Variants in NMD3 observed in about 807,000 individuals in gnomAD.
NMD3 encodes the protein NMD3 ribosome export adaptor, also known as 60S ribosomal export protein NMD3.
NMD3 carries 47 observed loss-of-function variants against 73.1 expected under a neutral mutation model. That is an observed-to-expected ratio of 0.64 (90% confidence interval 0.51 to 0.82). The LOEUF (loss-of-function observed/expected upper bound fraction) is 0.82. Ranked by LOEUF, NMD3 falls within the 40% of genes least tolerant of loss-of-function variation. The probability of loss-of-function intolerance (pLI) is 0.00; values close to 1 mark genes in which losing one functional copy is unlikely to be tolerated. For synonymous variants in NMD3, 210 were observed against 194.5 expected, an observed-to-expected ratio of 1.08 and a Z score of -0.66; for missense variants, 554 against 612.5, an observed-to-expected ratio of 0.90 and a Z score of 1.01.
rs1736862226 is a variant in NMD3, at chr3:161,238,731, T to TA, written c.659dup (p.Tyr220Ter). 6.8e-7 allele frequency: 1 copy of TA among 1,477,230 alleles called. No homozygotes were observed. Among genetic ancestry groups the TA allele is most frequent in the Non-Finnish European group, 9.5e-7 (1 of 1,057,974 alleles). The allele number at this position is 1,477,230 out of a possible 1,614,324, so 91.5% of individuals were successfully genotyped here. ...TACTACTAACTTTTTTCTTAATAGA[T>TA]ACAAAGCATCACAAAGACTGATCTC... Reference protein sequence around the residue: ...EFLQCTVPCRYKASQRLISQD... With the variant: ...EFLQCTVPCR The change falls in exon 9 of 16, where the codon TAC (tyrosine) becomes TAAC (stop). Residue 220 changes from tyrosine to a stop codon, truncating the protein, a stop_gained and frameshift_variant and splice_region_variant. Transcript: ENST00000351193. LOFTEE classifies it high-confidence loss of function.
At chr3:161,249,859 C>A (rs1233360197) in intron 14 of NMD3, among the ~76,000 whole-genome samples, 2 of 152,102 alleles carry the variant, frequency 1.3e-5, no homozygotes, top group East Asian at 3.9e-4. Flanking sequence ...CTGAGAAATG[C>A]ATCATTAGGT....
At chr3:161,247,393 T>A in intron 13 of NMD3, 63 bp downstream of exon 13, 1 of 973,272 alleles carries the variant, frequency 1.0e-6, no homozygotes, top group Non-Finnish European at 1.6e-6. Context: ...CTCTTAGGGG[T>A]AAGAGGTAGG....
chr3:161,223,921 G>A (rs1407128718), intron 2 of NMD3, among the ~76,000 whole-genome samples: 5 of 152,130 alleles, frequency 3.3e-5, no homozygotes, highest in Non-Finnish European at 7.4e-5. Context: ...TGGTTGGGAA[G>A]TTTATCTGTT....
chr3:161,224,826 A>G, intron 2 of NMD3, 104 bp from the exon 3 acceptor site: 1 of 1,136,050 alleles, frequency 8.8e-7, no homozygotes, highest in Non-Finnish European at 1.2e-6. Flanking sequence ...AAGGGCAAAG[A>G]TGCTGTGGCC....
chr3:161,237,017 A>G (rs1030696061), intron 7 of NMD3, among the ~76,000 whole-genome samples: 15 of 152,094 alleles, frequency 9.9e-5, no homozygotes, highest in African/African-American at 3.6e-4. Flanking sequence ...TGTTTTGGCT[A>G]TTCTGGGTAA....
At chr3:161,225,844 A>G (rs998253749) in intron 3 of NMD3, among the ~76,000 whole-genome samples, 1 of 152,072 alleles carries the variant, frequency 6.6e-6, no homozygotes, top group Non-Finnish European at 1.5e-5. Flanking sequence ...GTGTGTATAT[A>G]TGTAAAAATA....
At chr3:161,236,393 T>C (rs1303752066) in intron 7 of NMD3, among the ~76,000 whole-genome samples, 2 of 152,134 alleles carry the variant, frequency 1.3e-5, no homozygotes, top group Non-Finnish European at 2.9e-5. Context: ...TGGTATGAAG[T>C]GGTATCTCAT....
intron 10 of NMD3, among the ~76,000 whole-genome samples, chr3:161,241,769 C>G (rs888073606): frequency 5.9e-5 from 9 of 152,054 alleles, no homozygotes; most frequent in African/African-American, 2.2e-4. Context: ...TTACTTAAGT[C>G]CATTGCCAAA....
In NMD3 at chr3:161,222,020, T is replaced by C. The variant is rs1408263494; in HGVS notation, c.7T>C (p.Tyr3His). Residue 3 changes from tyrosine to histidine, a missense_variant, in exon 2 of 16, where the codon TAT becomes CAT. Tyr to His is a moderately conservative substitution (Grantham distance 83, BLOSUM62 2). Coordinates refer to ENST00000351193, the MANE Select transcript of NMD3 (RefSeq NM_015938.5). MEYMAESTDRSPG... is the reference protein window; with the variant it reads MEHMAESTDRSPG... ...ACTTAAGGCATACAGAACGATGGAG[T>C]ATATGGCAGAATCCACCGACCGCAG... The C allele has an allele frequency of 7.7e-6, 12 of 1,559,402 alleles. No individual in the cohort carries two copies. The highest frequency in any genetic ancestry group is 1.1e-5 in the Non-Finnish European group (12 of 1,141,552).
intron 4 of NMD3, among the ~76,000 whole-genome samples, chr3:161,228,381 GT>G (rs1304317425): frequency 1.3e-5 from 2 of 151,158 alleles, no homozygotes; most frequent in African/African-American, 4.9e-5. Context: ...AACCTTTTTG[GT>G]TTTTTTCGCT....
Position 161,241,963 on chromosome 3 carries a change from G to C in NMD3, c.872-545G>C, listed in dbSNP as rs116295626. The stretch of plus-strand genomic sequence containing the variant: ...ATTTTGGTAGGTATCTTAGTATTTG[G>C]ATGTATCTTCTGCTTGATCTTTTTC... On this transcript the variant is annotated intron_variant, in intron 10 of 15. Transcript: ENST00000351193. 1.1e-3 allele frequency among the ~76,000 whole-genome samples: 161 copies of C among 151,764 alleles called. 1 individual carries two copies. The highest frequency in any genetic ancestry group is 3.7e-3 in the African/African-American group (155 of 41,374).
intron 5 of NMD3, 112 bp downstream of exon 5, chr3:161,233,591 A>G: frequency 1.8e-6 from 1 of 560,670 alleles, no homozygotes; most frequent in Non-Finnish European, 3.1e-6. Context: ...GAGTACACTC[A>G]ATTTTAGCTG....
At position 161,235,145 on chromosome 3, in the gene NMD3, C is replaced by T; in HGVS notation, c.510C>T (p.Tyr170=). Residue 170 remains tyrosine, a synonymous_variant, in exon 7 of 16, where the codon TAC becomes TAT. Coordinates refer to ENST00000351193, the MANE Select transcript of NMD3 (RefSeq NM_015938.5). The stretch of plus-strand genomic sequence containing the variant: ...AGACTTTGCATAAAAAAACTTTCTA[C>T]TATCTGGAACAGTTAATTCTGAAAT... ...RQKTLHKKTF[Y]YLEQLILKYG... The T allele has an allele frequency of 6.5e-7, 1 of 1,528,060 alleles. No individual in the cohort carries two copies. The highest frequency in any genetic ancestry group is 8.9e-7 in the Non-Finnish European group (1 of 1,118,628). 94.7% of individuals were successfully genotyped at this position (1,528,060 alleles called of 1,614,324 possible). A position where few individuals can be genotyped will look rare whatever the true frequency, so the allele number is the denominator to read the frequency against.
intron 12 of NMD3, among the ~76,000 whole-genome samples, chr3:161,246,997 G>C (rs1287954487): frequency 1.3e-5 from 2 of 151,472 alleles, no homozygotes; most frequent in Non-Finnish European, 1.5e-5. Context: ...TTCTAAAGTT[G>C]GACTGATATG....
intron 4 of NMD3, among the ~76,000 whole-genome samples, chr3:161,228,591 G>GT (rs1390700992): frequency 1.3e-5 from 2 of 151,498 alleles, no homozygotes; most frequent in Non-Finnish European, 2.9e-5. Flanking sequence ...TATGAAGTCA[G>GT]TTTTTTGTGT....
chr3:161,227,244 T>C lies in NMD3; in HGVS notation c.180-3T>C. 1 of 1,576,144 alleles carries C rather than the reference T, an allele frequency of 6.3e-7. No homozygotes were observed. The highest frequency in any genetic ancestry group is 8.7e-7 in the Non-Finnish European group (1 of 1,149,902). ...GATTTCAGTATGTTATCTTCTCTTT[T>C]AGGTATTTTCAACCACCAGGAACTT... On this transcript the variant is annotated splice_polypyrimidine_tract_variant and splice_region_variant and intron_variant, in intron 3 of 15. Transcript: ENST00000351193.
At chr3:161,237,394 A>G (rs1333130052) in intron 7 of NMD3, among the ~76,000 whole-genome samples, 1 of 152,034 alleles carries the variant, frequency 6.6e-6, no homozygotes, top group East Asian at 1.9e-4. Flanking sequence ...AGAGAGTCCT[A>G]TTCTAGTCCT....
At chr3:161,238,309 C>T (rs889690042) in intron 8 of NMD3, 118 bp downstream of exon 8, 20 of 709,282 alleles carry the variant, frequency 2.8e-5, no homozygotes, top group Non-Finnish European at 4.5e-5. Context: ...GAAATACTTA[C>T]ACAATCAGGA....
Position 161,251,425 on chromosome 3 carries a change from T to TCAGTTTA in NMD3, c.*515_*516insCAGTTTA, listed in dbSNP as rs1413718458. On this transcript the variant is annotated 3_prime_UTR_variant, in exon 16 of 16. Coordinates refer to ENST00000351193, the MANE Select transcript of NMD3 (RefSeq NM_015938.5). ...TTAGGGTTCAGTTTATCACTGGACA[T>TCAGTTTA]TCAGGAGGCAAGTCAATCTTTTTTA... is the stretch of plus-strand genomic sequence containing the variant. The TCAGTTTA allele has an allele frequency of 1.3e-5, 2 of 152,162 alleles. No homozygotes were observed. Among genetic ancestry groups the TCAGTTTA allele is most frequent in the African/African-American group, 4.8e-5 (2 of 41,438 alleles). The allele number at this position is 152,162 out of a possible 1,614,324, so 9.4% of individuals were successfully genotyped here. A position where few individuals can be genotyped will look rare whatever the true frequency, so the allele number is the denominator to read the frequency against.
Sources: allele counts gnomAD v4.1 joint callset (sites outside exome capture counted in the v4.1 genomes callset), GRCh38; gene constraint gnomAD v4.1.1; transcripts MANE v1.5; gene names NCBI Gene and HGNC (gene_info 2026-07-23, HGNC 2026-07-21).